The following GLRA2 variants were observed in gnomAD, a reference collection of about 807,000 sequenced individuals.
GLRA2 encodes glycine receptor subunit alpha-2.
Under a neutral mutation model 31.6 loss-of-function variants are expected in GLRA2, and 11 were observed. That is an observed-to-expected ratio of 0.35 (90% CI 0.22 to 0.58). The LOEUF is 0.58. Ranked by LOEUF, GLRA2 falls within the 20% of genes least tolerant of loss-of-function variation. The pLI is 0.84. For missense variants in GLRA2, 212 were observed against 351.8 expected (o/e 0.60, Z 3.18); for synonymous variants, 132 against 134.0 (o/e 0.99, Z 0.10).
At position 14,546,033 on chromosome X, in the gene GLRA2, T is replaced by C. The variant is rs756144767; in HGVS notation, c.202+13661T>C. On this transcript the variant is annotated intron_variant, in intron 2 of 8. Transcript: ENST00000218075. ...TCAGAGGCCTTTTTAAATAGATGAA[T>C]GCCAGGCTACCTGTTCTCTCCAAAA... Among the ~76,000 whole-genome samples the C allele has an allele frequency of 3.6e-5, 4 of 111,471 alleles. No homozygotes were observed. In the East Asian group the frequency reaches 1.1e-3, roughly 32 times the overall value.
chrX:14,544,270 CCTA>C (rs2089448494), intron 2 of GLRA2, among the ~76,000 whole-genome samples: 2 of 111,822 alleles, frequency 1.8e-5, no homozygotes, highest in Non-Finnish European at 3.8e-5. Flanking sequence ...CTAATAATCA[CCTA>C]CTGTTTTAGT....
the GLRA2 span, among the ~76,000 whole-genome samples, chrX:14,519,951 T>C: frequency 2.5e-4 from 28 of 112,579 alleles, no homozygotes; most frequent in African/African-American, 8.1e-4. Context: ...TTAGCATCTA[T>C]ATTATGCTTC....
intron 7 of GLRA2, among the ~76,000 whole-genome samples, chrX:14,687,936 C>G (rs1237434182): frequency 1.8e-5 from 2 of 112,021 alleles, no homozygotes; most frequent in African/African-American, 6.5e-5. Flanking sequence ...GTGGTTTTAT[C>G]TACCTTTGGT....
chrX:14,523,101 C>A, the GLRA2 span, among the ~76,000 whole-genome samples: 698 of 111,848 alleles, frequency 6.2e-3, 10 homozygotes, highest in African/African-American at 0.021. Context: ...TTTACGCTAA[C>A]CCCCTTCATC....
chrX:14,576,728 T>G (rs148094532), intron 3 of GLRA2, among the ~76,000 whole-genome samples: 8 of 112,524 alleles, frequency 7.1e-5, no homozygotes, highest in Non-Finnish European at 1.5e-4. Context: ...GAAAGTTTAA[T>G]AAATGGGCTG....
At chrX:14,584,355 C>T (rs762461173) in intron 4 of GLRA2, among the ~76,000 whole-genome samples, 81 of 111,672 alleles carry the variant, frequency 7.3e-4, no homozygotes, top group Admixed American at 2.0e-3. Flanking sequence ...AAAGTATTGG[C>T]ATTTAAAGGT....
chrX:14,521,583 G>C, the GLRA2 span, among the ~76,000 whole-genome samples: 1 of 111,438 alleles, frequency 9.0e-6, no homozygotes, highest in Non-Finnish European at 1.9e-5. Flanking sequence ...CCAGCTTGCA[G>C]ATGGTCCAGC....
chrX:14,670,818 G>C (rs766040173), intron 7 of GLRA2, among the ~76,000 whole-genome samples: 1 of 111,196 alleles, frequency 9.0e-6, no homozygotes. Context: ...TTGTACTTTC[G>C]TAATATCCAC....
rs73437241 is a variant in GLRA2 at position 14,663,133 on chromosome X, T to C, written c.931-27577T>C. 7.2e-3 allele frequency among the ~76,000 whole-genome samples: 802 copies of C among 111,508 alleles called. 12 individuals are homozygous for C. The highest frequency in any genetic ancestry group is 0.025 in the African/African-American group (770 of 30,845). On this transcript the variant is annotated intron_variant, in intron 7 of 8. Coordinates refer to ENST00000218075, the MANE Select transcript of GLRA2 (RefSeq NM_002063.4). ...TAGTTATTTTTCCTAAGTGCCTTAA[T>C]GTCTACCTTGAGTACAATGTTGCAT... is the stretch of plus-strand genomic sequence containing the variant.
the GLRA2 span, among the ~76,000 whole-genome samples, chrX:14,450,535 C>A: frequency 9.0e-6 from 1 of 111,553 alleles, no homozygotes; most frequent in East Asian, 2.8e-4. Context: ...AAAACAGATG[C>A]ATGGATAAGT....
At chrX:14,594,834 A>C (rs971124999) in intron 4 of GLRA2, among the ~76,000 whole-genome samples, 1 of 110,213 alleles carries the variant, frequency 9.1e-6, no homozygotes, top group Non-Finnish European at 1.9e-5. Flanking sequence ...TTTGGTAAAC[A>C]TGGACCTTCC....
At chrX:14,510,250 A>G in the GLRA2 span, among the ~76,000 whole-genome samples, 1 of 111,850 alleles carries the variant, frequency 8.9e-6, no homozygotes, top group Non-Finnish European at 1.9e-5. Context: ...CTGTAGCGAT[A>G]GAAGAGAGTC....
At chrX:14,472,793 A>G in the GLRA2 span, among the ~76,000 whole-genome samples, 1 of 111,508 alleles carries the variant, frequency 9.0e-6, no homozygotes, top group African/African-American at 3.3e-5. Flanking sequence ...CATTGTCTGT[A>G]CCATCAAATC....
At chrX:14,463,967 C>A in the GLRA2 span, among the ~76,000 whole-genome samples, 1 of 111,994 alleles carries the variant, frequency 8.9e-6, no homozygotes, top group African/African-American at 3.3e-5. Context: ...TCACTGGGAG[C>A]TGTAGACCAG....
chrX:14,493,316 A>G, the GLRA2 span, among the ~76,000 whole-genome samples: 5 of 109,732 alleles, frequency 4.6e-5, no homozygotes, highest in Non-Finnish European at 9.5e-5. Context: ...CATACAATGG[A>G]ATACTATTCC....
intron 7 of GLRA2, among the ~76,000 whole-genome samples, chrX:14,680,293 C>A (rs2091187373): frequency 8.9e-6 from 1 of 111,751 alleles, no homozygotes; most frequent in Non-Finnish European, 1.9e-5. Context: ...GTATCTTTTA[C>A]CCCATTTCCC....
the GLRA2 span, among the ~76,000 whole-genome samples, chrX:14,516,878 A>G: frequency 8.9e-6 from 1 of 111,854 alleles, no homozygotes; most frequent in Admixed American, 9.5e-5. Context: ...TAAGCAAGCC[A>G]TCTTGGAAGT....
chrX:14,729,398 A>T (rs745647529), intron 8 of GLRA2, among the ~76,000 whole-genome samples: 63 of 111,216 alleles, frequency 5.7e-4, no homozygotes, highest in African/African-American at 2.0e-3. Flanking sequence ...ACCCAAACAC[A>T]TACCCAGATC....
intron 1 of GLRA2, among the ~76,000 whole-genome samples, chrX:14,530,790 A>G (rs2089244714): frequency 8.9e-6 from 1 of 111,850 alleles, no homozygotes; most frequent in Admixed American, 9.5e-5. Context: ...TGCATTTTCT[A>G]CATGGTTTAC....
Sources: gnomAD v4.1 joint callset for allele counts (sites outside exome capture counted in the v4.1 genomes callset) on GRCh38, gnomAD v4.1.1 for gene constraint, MANE v1.5 for transcripts, NCBI Gene and HGNC (gene_info 2026-07-23, HGNC 2026-07-21) for gene names.